Variants in PCA3 observed in about 807,000 individuals in gnomAD.
PCA3 encodes the protein prostate cancer associated 3.
At chr9:76,769,745 G>T (rs946199874) in intron 2 of PCA3, among the ~76,000 whole-genome samples, 2 of 152,172 alleles carry the variant, frequency 1.3e-5, no homozygotes, top group African/African-American at 4.8e-5. Context: ...TCTGATGCTT[G>T]TATTTCTGTA....
At chr9:76,774,455 T>TTTATTTATTTATTTA (rs1564272539) in intron 2 of PCA3, among the ~76,000 whole-genome samples, 5 of 133,372 alleles carry the variant, frequency 3.7e-5, no homozygotes, top group Non-Finnish European at 1.6e-5. Flanking sequence ...CAACCCTTTT[T>TTTATTTATTTATTTA]TTTTTTTTTT....
chr9:76,786,187 G>A (rs1482192987), intron 2 of PCA3: 1 of 152,004 alleles, frequency 6.6e-6, no homozygotes, highest in African/African-American at 2.4e-5. Flanking sequence ...AGACAGCTCA[G>A]GTGCTTTCAC....
chr9:76,774,757 C>T (rs555189304), intron 2 of PCA3, among the ~76,000 whole-genome samples: 4 of 152,118 alleles, frequency 2.6e-5, no homozygotes, highest in African/African-American at 9.6e-5. Context: ...CTAGGCCCGA[C>T]CCAATTCTTT....
intron 2 of PCA3, among the ~76,000 whole-genome samples, chr9:76,766,666 C>A (rs759714311): frequency 2.3e-4 from 35 of 152,122 alleles, no homozygotes; most frequent in Non-Finnish European, 3.5e-4. Context: ...TCACAGAGGT[C>A]CAGTCACACT....
Position 76,776,893 on chromosome 9 carries a change from TACACACACACACACACAC to T in PCA3, n.853-31654_853-31637del, listed in dbSNP as rs541232508. Among the ~76,000 whole-genome samples, 12 of 115,670 alleles carry T rather than the reference TACACACACACACACACAC, an allele frequency of 1.0e-4. No homozygotes were observed. In the East Asian group the frequency reaches 2.1e-3, roughly 20 times the overall value. 75.9% of individuals were successfully genotyped at this position (115,670 alleles called of 152,430 possible). ...GTTTCTTTCTCATTACCAAAACACA[TACACACACACACACACAC>T]ACACACACACACACACACACACACA... is the stretch of plus-strand genomic sequence containing the variant. On this transcript the variant is annotated intron_variant and non_coding_transcript_variant, in intron 2 of 5. Coordinates refer to ENST00000644657, the Ensembl canonical transcript of PCA3.
chr9:76,774,457 T>TAGTTATTTATTTATTTATTTA (rs756648285), intron 2 of PCA3, among the ~76,000 whole-genome samples: 82 of 73,570 alleles, frequency 1.1e-3, no homozygotes, highest in African/African-American at 4.2e-3. Flanking sequence ...ACCCTTTTTT[T>TAGTTATTTATTTATTTATTTA]TTTTTTTTTT....
intron 2 of PCA3, among the ~76,000 whole-genome samples, chr9:76,776,568 T>A (rs566511511): frequency 1.1e-5 from 1 of 94,900 alleles, no homozygotes; most frequent in African/African-American, 6.6e-5. Flanking sequence ...CAAATTGGAG[T>A]GCAGTGCACA....
At chr9:76,780,512 CCT>C (rs1337259187) in intron 2 of PCA3, among the ~76,000 whole-genome samples, 5 of 151,822 alleles carry the variant, frequency 3.3e-5, no homozygotes. Context: ...ACAGTGAAAC[CCT>C]GTTTCTAATA....
At chr9:76,780,252 G>A (rs918560759) in intron 2 of PCA3, among the ~76,000 whole-genome samples, 8 of 152,122 alleles carry the variant, frequency 5.3e-5, no homozygotes, top group Non-Finnish European at 1.0e-4. Flanking sequence ...AACTCATAAT[G>A]AAGCAGCTGC....
At chr9:76,780,455 A>AG (rs2054251321) in intron 2 of PCA3, among the ~76,000 whole-genome samples, 1 of 152,164 alleles carries the variant, frequency 6.6e-6, no homozygotes. Context: ...TGGGAGGCCG[A>AG]GGCGGGCGGA....
At chr9:76,776,539 T>C (rs1207100146) in intron 2 of PCA3, among the ~76,000 whole-genome samples, 9 of 121,114 alleles carry the variant, frequency 7.4e-5, no homozygotes, top group Non-Finnish European at 1.2e-4. Flanking sequence ...TTTTTTGAGA[T>C]GAGTCTCGCT....
At chr9:76,780,879 G>A (rs564121708) in intron 2 of PCA3, among the ~76,000 whole-genome samples, 3 of 152,106 alleles carry the variant, frequency 2.0e-5, no homozygotes, top group South Asian at 4.1e-4. Flanking sequence ...CGCAGGCTAC[G>A]CTGCAACCTA....
At chr9:76,774,450 C>CTTTTTTTATTTATTTATT (rs1564272256) in intron 2 of PCA3, among the ~76,000 whole-genome samples, 1 of 41,402 alleles carries the variant, frequency 2.4e-5, no homozygotes. Context: ...CAGTTCAACC[C>CTTTTTTTATTTATTTATT]TTTTTTTTTT....
intron 2 of PCA3, among the ~76,000 whole-genome samples, chr9:76,768,756 C>T (rs958741225): frequency 6.6e-6 from 1 of 152,078 alleles, no homozygotes; most frequent in African/African-American, 2.4e-5. Flanking sequence ...TCTTACCACC[C>T]AAGTAATTGG....
intron 2 of PCA3, among the ~76,000 whole-genome samples, chr9:76,767,778 A>G (rs1226111748): frequency 3.3e-5 from 5 of 152,090 alleles, no homozygotes; most frequent in African/African-American, 1.2e-4. Flanking sequence ...GGGTGTAAAA[A>G]CCCAGCTGGA....
At chr9:76,765,768 C>CT (rs1401439870) in intron 2 of PCA3, among the ~76,000 whole-genome samples, 1 of 152,206 alleles carries the variant, frequency 6.6e-6, no homozygotes, top group East Asian at 1.9e-4. Context: ...GCTTTCTGAA[C>CT]TTGTCCAAAC....
chr9:76,783,698 T>C (rs1348601817), intron 2 of PCA3: 1 of 152,182 alleles, frequency 6.6e-6, no homozygotes, highest in Non-Finnish European at 1.5e-5. Context: ...GTCGTATGTA[T>C]TTCCAGGTGA....
At chr9:76,766,044 G>C (rs138258063) in intron 2 of PCA3, among the ~76,000 whole-genome samples, 1 of 151,892 alleles carries the variant, frequency 6.6e-6, no homozygotes, top group East Asian at 1.9e-4. Flanking sequence ...ATAGCCGCGC[G>C]TGGTGGCAGG....
chr9:76,771,168 T>C (rs1041646916), intron 2 of PCA3, among the ~76,000 whole-genome samples: 1 of 152,166 alleles, frequency 6.6e-6, no homozygotes, highest in Non-Finnish European at 1.5e-5. Flanking sequence ...GATTTAAATA[T>C]CATATAAATT....
Sources: gnomAD v4.1 joint callset for allele counts (sites outside exome capture counted in the v4.1 genomes callset) on GRCh38, gnomAD v4.1.1 for gene constraint, MANE v1.5 for transcripts, NCBI Gene and HGNC (gene_info 2026-07-23, HGNC 2026-07-21) for gene names.